SPRED1: variants seen among roughly 807,000 people sequenced by gnomAD.
SPRED1 encodes the protein sprouty-related, EVH1 domain-containing protein 1.
SPRED1 carries 18 observed loss-of-function variants against 52.3 expected under a neutral mutation model. The ratio of observed to expected loss-of-function variants is 0.34; its 90% confidence interval spans 0.24 to 0.51. SPRED1 has a LOEUF of 0.51. Among genes scored for constraint, SPRED1 ranks in the 20% least tolerant of loss-of-function variants. The pLI is 0.97. For missense variants in SPRED1, 485 were observed against 551.0 expected (o/e 0.88, Z 1.20); for synonymous variants, 155 against 179.7 (o/e 0.86, Z 1.10).
In SPRED1 at chr15:38,269,328, G is replaced by A. The variant is rs577188468; in HGVS notation, c.32+16111G>A. Reference sequence around the variant, plus strand: ...GGCACAATCACAGCACGCTAACCTCGAACTGTCAGGCTCAAGTGATTAATC... The same window carrying A: ...GGCACAATCACAGCACGCTAACCTCAAACTGTCAGGCTCAAGTGATTAATC... On this transcript the variant is annotated intron_variant, in intron 1 of 6. Coordinates refer to ENST00000299084, the MANE Select transcript of SPRED1 (RefSeq NM_152594.3). Among the ~76,000 whole-genome samples the A allele has an allele frequency of 5.3e-5, 8 of 152,050 alleles. No individual in the cohort carries two copies. In the South Asian group the frequency reaches 1.2e-3, roughly 24 times the overall value.
intron 1 of SPRED1, among the ~76,000 whole-genome samples, chr15:38,260,077 T>A (rs1016996336): frequency 6.6e-6 from 1 of 152,238 alleles, no homozygotes; most frequent in African/African-American, 2.4e-5. Flanking sequence ...TTAGAGGTAC[T>A]TGTGACAGCA....
At chr15:38,314,822 AT>A (rs1566864778) in intron 2 of SPRED1, among the ~76,000 whole-genome samples, 1 of 151,642 alleles carries the variant, frequency 6.6e-6, no homozygotes, top group Non-Finnish European at 1.5e-5. Flanking sequence ...ATATGATACC[AT>A]TTTCTTTCCT....
Position 38,333,292 on chromosome 15 carries a change from A to G in SPRED1, c.424-6445A>G, listed in dbSNP as rs559101371. Among the ~76,000 whole-genome samples, 3 of 152,264 alleles carry G rather than the reference A, an allele frequency of 2.0e-5. No homozygotes were observed. The South Asian group carries it at 6.2e-4, about 32-fold the overall frequency. On this transcript the variant is annotated intron_variant, in intron 4 of 6. Transcript: ENST00000299084. Reference sequence around the variant, plus strand: ...TAAGCATAAAACAGTTTTTTAGTGGAAAATTTGAAGCATGTCATTGTTGGG... The same window carrying G: ...TAAGCATAAAACAGTTTTTTAGTGGGAAATTTGAAGCATGTCATTGTTGGG...
At chr15:38,327,451 G>A (rs1012772368) in intron 4 of SPRED1, among the ~76,000 whole-genome samples, 3 of 152,122 alleles carry the variant, frequency 2.0e-5, no homozygotes, top group Non-Finnish European at 4.4e-5. Flanking sequence ...ACTTCTGAGG[G>A]TAGATCCTAA....
intron 2 of SPRED1, among the ~76,000 whole-genome samples, chr15:38,318,652 G>C (rs1566866120): frequency 6.6e-6 from 1 of 152,006 alleles, no homozygotes; most frequent in Non-Finnish European, 1.5e-5. Context: ...AGTATTCATT[G>C]TTAGCTCCCT....
At chr15:38,279,245 T>A (rs1046392241) in intron 1 of SPRED1, among the ~76,000 whole-genome samples, 2 of 152,210 alleles carry the variant, frequency 1.3e-5, no homozygotes, top group African/African-American at 4.8e-5. Context: ...CATATTTGAA[T>A]GTTAGTCAGT....
At chr15:38,265,407 C>T (rs140627794) in intron 1 of SPRED1, among the ~76,000 whole-genome samples, 109 of 152,008 alleles carry the variant, frequency 7.2e-4, no homozygotes, top group Middle Eastern at 3.4e-3. Context: ...AAGGTGGGGT[C>T]GCTTTTTAAA....
At position 38,354,226 on chromosome 15, in the gene SPRED1, CAT is replaced by C. The variant is rs373432788; in HGVS notation, c.*2563_*2564del. On this transcript the variant is annotated 3_prime_UTR_variant, in exon 7 of 7. Coordinates refer to ENST00000299084, the MANE Select transcript of SPRED1 (RefSeq NM_152594.3). ...GTAGTTTAAATCACTGATTCTTAAACATGTGTATAGGCACCTTCAGGAACATT... is the reference window on the plus strand; with the variant it reads ...GTAGTTTAAATCACTGATTCTTAAACGTGTATAGGCACCTTCAGGAACATT... 80 of 152,312 alleles carry C rather than the reference CAT, an allele frequency of 5.3e-4. No homozygotes were observed. Among genetic ancestry groups the C allele is most frequent in the African/African-American group, 1.7e-3 (72 of 41,570 alleles). 9.4% of individuals were successfully genotyped at this position (152,312 alleles called of 1,614,324 possible). A position where few individuals can be genotyped will look rare whatever the true frequency, so the allele number is the denominator to read the frequency against.
rs544026970 is a variant in SPRED1, at chr15:38,350,199, G to A, written c.684+676G>A. On this transcript the variant is annotated intron_variant, in intron 6 of 6. Coordinates refer to ENST00000299084, the MANE Select transcript of SPRED1 (RefSeq NM_152594.3). The stretch of plus-strand genomic sequence containing the variant: ...CAATTCTTAGAAGTTCAAGATCAAG[G>A]TTGTTGGTAGGTTTGGTTTCTTCTG... 9.2e-5 allele frequency among the ~76,000 whole-genome samples: 14 copies of A among 152,252 alleles called. No individual in the cohort carries two copies. The South Asian group carries it at 1.7e-3, about 18-fold the overall frequency.
intron 4 of SPRED1, among the ~76,000 whole-genome samples, chr15:38,334,272 A>C (rs1212071989): frequency 6.6e-6 from 1 of 152,082 alleles, no homozygotes; most frequent in African/African-American, 2.4e-5. Context: ...AAATGAAAAA[A>C]AATATGACTT....
intron 1 of SPRED1, chr15:38,298,548 GAGAA>G (rs77635204): frequency 0.13 from 38,503 of 304,330 alleles, 3,675 homozygotes; most frequent in East Asian, 0.54. Flanking sequence ...AACAACATGA[GAGAA>G]AGAAGTCAGA....
At chr15:38,293,324 T>C (rs992499557) in intron 1 of SPRED1, among the ~76,000 whole-genome samples, 1 of 152,022 alleles carries the variant, frequency 6.6e-6, no homozygotes, top group Admixed American at 6.6e-5. Context: ...GGTTTCGATC[T>C]CTTGACCTCG....
At chr15:38,287,437 TTAAAA>T (rs1197866064) in intron 1 of SPRED1, among the ~76,000 whole-genome samples, 8 of 152,194 alleles carry the variant, frequency 5.3e-5, no homozygotes, top group Non-Finnish European at 1.0e-4. Flanking sequence ...GTGTTTTTTC[TTAAAA>T]TAAAGAACAA....
chr15:38,349,630 T>A, intron 6 of SPRED1, 107 bp downstream of exon 6: 9 of 840,976 alleles, frequency 1.1e-5, no homozygotes, highest in Non-Finnish European at 1.7e-5. Flanking sequence ...TACTAGAAAA[T>A]TTTTCATTGT....
intron 1 of SPRED1, among the ~76,000 whole-genome samples, chr15:38,255,382 A>G (rs958171540): frequency 2.0e-5 from 3 of 152,188 alleles, no homozygotes; most frequent in African/African-American, 7.2e-5. Flanking sequence ...CTGCTTTATT[A>G]ATAAATTATT....
intron 2 of SPRED1, among the ~76,000 whole-genome samples, chr15:38,311,496 A>C (rs896658892): frequency 6.6e-6 from 1 of 152,122 alleles, no homozygotes; most frequent in African/African-American, 2.4e-5. Flanking sequence ...AGACTGTAAA[A>C]TTGGTGTTAG....
chr15:38,290,324 C>T (rs1046667489), intron 1 of SPRED1, among the ~76,000 whole-genome samples: 9 of 152,096 alleles, frequency 5.9e-5, no homozygotes, highest in Non-Finnish European at 8.8e-5. Flanking sequence ...AGGGGACATT[C>T]GAAGTAGTTA....
At chr15:38,328,035 G>A (rs1224179399) in intron 4 of SPRED1, among the ~76,000 whole-genome samples, 2 of 152,186 alleles carry the variant, frequency 1.3e-5, no homozygotes, top group African/African-American at 4.8e-5. Context: ...AAGTTGCAGT[G>A]TGTTCTGATT....
At chr15:38,320,359 T>G (rs1199932148) in intron 2 of SPRED1, among the ~76,000 whole-genome samples, 1 of 152,168 alleles carries the variant, frequency 6.6e-6, no homozygotes, top group Non-Finnish European at 1.5e-5. Flanking sequence ...TGTCTGCCAC[T>G]GTAGTTTAAG....
Sources: allele counts gnomAD v4.1 joint callset (sites outside exome capture counted in the v4.1 genomes callset), GRCh38; gene constraint gnomAD v4.1.1; transcripts MANE v1.5; gene names NCBI Gene and HGNC (gene_info 2026-07-23, HGNC 2026-07-21).